The following COG5 variants were observed in gnomAD, a reference collection of about 807,000 sequenced individuals.
COG5 encodes the protein component of oligomeric golgi complex 5.
COG5 carries 86 observed loss-of-function variants against 110.4 expected under a neutral mutation model. The observed-to-expected ratio is 0.78, with a 90% CI of 0.65 to 0.93. The LOEUF is 0.93. COG5 is among the 40% of genes least tolerant of loss of function. The pLI, the probability that COG5 is intolerant of heterozygous loss-of-function variation, is 0.00. For synonymous variants in COG5, 360 were observed against 334.6 expected (o/e 1.08, Z -0.83); for missense variants, 1,077 against 987.0 (o/e 1.09, Z -1.22).
chr7:107,264,078 GGTAA>G (rs1019735466), intron 14 of COG5, among the ~76,000 whole-genome samples: 5 of 151,986 alleles, frequency 3.3e-5, no homozygotes, highest in Admixed American at 6.6e-5. Flanking sequence ...ATTACAAAAG[GGTAA>G]GTAAGTTACT....
At chr7:107,233,142 T>G (rs1305775572) in intron 18 of COG5, among the ~76,000 whole-genome samples, 1 of 152,160 alleles carries the variant, frequency 6.6e-6, no homozygotes, top group African/African-American at 2.4e-5. Context: ...GAAGTACCAC[T>G]AAATAATTTA....
At chr7:107,555,662 A>G (rs1262131223) in intron 2 of COG5, among the ~76,000 whole-genome samples, 1 of 152,206 alleles carries the variant, frequency 6.6e-6, no homozygotes, top group Non-Finnish European at 1.5e-5. Context: ...CTATAGTTTC[A>G]TGGACTCCCT....
intron 7 of COG5, among the ~76,000 whole-genome samples, chr7:107,411,367 T>G (rs931945624): frequency 6.6e-6 from 1 of 151,998 alleles, no homozygotes; most frequent in Non-Finnish European, 1.5e-5. Context: ...TTTTAAACGG[T>G]GTAACAGTTT....
chr7:107,385,812 T>C (rs559609518), intron 7 of COG5, among the ~76,000 whole-genome samples: 1 of 151,582 alleles, frequency 6.6e-6, no homozygotes, highest in Non-Finnish European at 1.5e-5. Context: ...TTTCTTTTTT[T>C]TTTTTTTTTT....
At chr7:107,207,472 C>G (rs553687544) in intron 21 of COG5, among the ~76,000 whole-genome samples, 3 of 152,310 alleles carry the variant, frequency 2.0e-5, no homozygotes, top group African/African-American at 7.2e-5. Flanking sequence ...GGTCTGTGAA[C>G]ATTTGTGTAC....
chr7:107,536,918 T>C (rs534070887), intron 5 of COG5, among the ~76,000 whole-genome samples: 18 of 152,252 alleles, frequency 1.2e-4, no homozygotes, highest in African/African-American at 3.1e-4. Context: ...AACAGATACA[T>C]AGACCAATGG....
chr7:107,505,630 G>C (rs1161176569), intron 6 of COG5, among the ~76,000 whole-genome samples: 1 of 152,228 alleles, frequency 6.6e-6, no homozygotes, highest in Non-Finnish European at 1.5e-5. Context: ...CACCAGGACT[G>C]CCTGACTGTT....
intron 18 of COG5, among the ~76,000 whole-genome samples, 181 bp downstream of exon 18, chr7:107,236,269 A>G (rs915085120): frequency 5.3e-5 from 8 of 151,866 alleles, no homozygotes; most frequent in South Asian, 2.1e-4. Flanking sequence ...AAAGAAAAAT[A>G]TATCTGGTAT....
chr7:107,456,306 T>C (rs1795667286), intron 6 of COG5, among the ~76,000 whole-genome samples: 1 of 152,190 alleles, frequency 6.6e-6, no homozygotes, highest in Non-Finnish European at 1.5e-5. Context: ...GACAATTAAG[T>C]TGTAAAAACA....
At position 107,337,744 on chromosome 7, in the gene COG5, G is replaced by A. The variant is rs562146112; in HGVS notation, c.1027-13223C>T. Among the ~76,000 whole-genome samples the A allele has an allele frequency of 3.3e-5, 5 of 152,172 alleles. No homozygotes were observed. The East Asian group carries it at 9.6e-4, about 29-fold the overall frequency. On this transcript the variant is annotated intron_variant, in intron 10 of 21. Transcript: ENST00000297135. The stretch of plus-strand genomic sequence containing the variant: ...GTTCTAATGTTCAATAGCAGAGTAA[G>A]GTGGCTATAGTTAACAACAATGTAT...
intron 7 of COG5, among the ~76,000 whole-genome samples, chr7:107,410,512 G>A (rs1253558165): frequency 3.9e-5 from 6 of 151,984 alleles, no homozygotes; most frequent in Non-Finnish European, 4.4e-5. Flanking sequence ...GCAGGATCTC[G>A]GCTCACCGCA....
intron 12 of COG5, among the ~76,000 whole-genome samples, chr7:107,295,164 T>A (rs767402256): frequency 1.5e-5 from 2 of 132,518 alleles, no homozygotes; most frequent in Non-Finnish European, 1.6e-5. Context: ...CTCGAACTCC[T>A]GACCTCAAGT....
At chr7:107,362,946 C>G (rs1457486559) in intron 8 of COG5, among the ~76,000 whole-genome samples, 1 of 151,976 alleles carries the variant, frequency 6.6e-6, no homozygotes, top group Non-Finnish European at 1.5e-5. Context: ...ACTTACAGAA[C>G]GCTGACTTTA....
At chr7:107,546,021 T>C (rs1184455167) in intron 5 of COG5, among the ~76,000 whole-genome samples, 1 of 152,076 alleles carries the variant, frequency 6.6e-6, no homozygotes, top group Non-Finnish European at 1.5e-5. Context: ...ATATCAAATA[T>C]CTTTTCCAAC....
At chr7:107,447,398 T>C (rs1795069901) in intron 6 of COG5, among the ~76,000 whole-genome samples, 1 of 152,184 alleles carries the variant, frequency 6.6e-6, no homozygotes, top group African/African-American at 2.4e-5. Flanking sequence ...AAATAGGACA[T>C]GGACATCTTT....
chr7:107,310,838 G>A (rs1230100407), intron 11 of COG5, among the ~76,000 whole-genome samples: 1 of 151,812 alleles, frequency 6.6e-6, no homozygotes, highest in Non-Finnish European at 1.5e-5. Context: ...GGAAAGTTGT[G>A]GTATTTCCCT....
intron 11 of COG5, among the ~76,000 whole-genome samples, chr7:107,303,470 C>A (rs907259583): frequency 6.6e-6 from 1 of 152,086 alleles, no homozygotes; most frequent in Admixed American, 6.6e-5. Flanking sequence ...GTCTGTCACC[C>A]ACGCTGGAGT....
At position 107,258,272 on chromosome 7, in the gene COG5, C is replaced by T. The variant is rs1186590801; in HGVS notation, c.1686+1G>A. On this transcript the variant is annotated splice_donor_variant, in intron 15 of 21. Transcript: ENST00000297135. LOFTEE classifies it high-confidence loss of function. Reference sequence around the variant, plus strand: ...AAAAAAAAACTTAATAAAATAGTTACCTTTGTTACTGATTGGTGCAACTTA... The same window carrying T: ...AAAAAAAAACTTAATAAAATAGTTATCTTTGTTACTGATTGGTGCAACTTA... 4 of 1,565,538 alleles carry T rather than the reference C, an allele frequency of 2.6e-6. No individual in the cohort carries two copies. Among genetic ancestry groups the T allele is most frequent in the Non-Finnish European group, 3.5e-6 (4 of 1,136,378 alleles).
intron 10 of COG5, among the ~76,000 whole-genome samples, chr7:107,349,278 C>A (rs1811913970): frequency 6.6e-6 from 1 of 152,166 alleles, no homozygotes; most frequent in South Asian, 2.1e-4. Context: ...CACTTCTAAA[C>A]TGGAATCCTT....
Sources: gnomAD v4.1 joint callset for allele counts (sites outside exome capture counted in the v4.1 genomes callset) on GRCh38, gnomAD v4.1.1 for gene constraint, MANE v1.5 for transcripts, NCBI Gene and HGNC (gene_info 2026-07-23, HGNC 2026-07-21) for gene names.